CACNA2D3: variants seen among roughly 807,000 people sequenced by gnomAD.
CACNA2D3 encodes the protein voltage-dependent calcium channel subunit alpha-2/delta-3.
A neutral mutation model predicts 160.6 loss-of-function variants in CACNA2D3; 60 were observed. That is an observed-to-expected ratio of 0.37 (90% CI 0.30 to 0.46). CACNA2D3 has a LOEUF of 0.46. Ranked by LOEUF, CACNA2D3 falls within the 20% of genes least tolerant of loss-of-function variation. CACNA2D3 has a pLI of 1.00. For missense variants in CACNA2D3, 1,205 were observed against 1,365.0 expected (o/e 0.88, Z 1.85); for synonymous variants, 558 against 492.9 (o/e 1.13, Z -1.75).
chr3:54,706,311 C>T (rs1361883467), intron 11 of CACNA2D3, among the ~76,000 whole-genome samples: 1 of 152,174 alleles, frequency 6.6e-6, no homozygotes, highest in African/African-American at 2.4e-5. Context: ...GGGGCTTTAT[C>T]CCAACATTTT....
chr3:54,343,448 C>T (rs930366314), intron 3 of CACNA2D3, among the ~76,000 whole-genome samples: 2 of 152,108 alleles, frequency 1.3e-5, no homozygotes, highest in Admixed American at 6.5e-5. Context: ...TGTGCCCCCA[C>T]GCCCAGCTAA....
Position 54,877,620 on chromosome 3 carries a change from A to G in CACNA2D3, c.1711-1398A>G, listed in dbSNP as rs1021412985. On this transcript the variant is annotated intron_variant, in intron 18 of 37. Transcript: ENST00000474759. ...CCATCCTGCTTCACTAGTAGGTTCA[A>G]TAAGTATAACCTGTTTTTGTTATGA... Among the ~76,000 whole-genome samples the G allele has an allele frequency of 2.0e-5, 3 of 152,302 alleles. No individual in the cohort carries two copies. The South Asian group carries it at 6.2e-4, about 32-fold the overall frequency.
intron 5 of CACNA2D3, among the ~76,000 whole-genome samples, chr3:54,558,528 A>G (rs1169943124): frequency 6.6e-6 from 1 of 152,100 alleles, no homozygotes; most frequent in Non-Finnish European, 1.5e-5. Context: ...GGTAATAAGC[A>G]TAGTACCCAA....
intron 10 of CACNA2D3, among the ~76,000 whole-genome samples, chr3:54,636,365 G>A (rs559720518): frequency 6.6e-6 from 1 of 151,988 alleles, no homozygotes; most frequent in Non-Finnish European, 1.5e-5. Flanking sequence ...AATGTGGGAG[G>A]CCGGATTGAA....
chr3:54,594,838 G>T (rs192605099), intron 9 of CACNA2D3, among the ~76,000 whole-genome samples: 1 of 152,322 alleles, frequency 6.6e-6, no homozygotes, highest in African/African-American at 2.4e-5. Context: ...CAGCTGAGTT[G>T]ACAGAAGACT....
chr3:55,008,888 T>TAC (rs4024588), intron 33 of CACNA2D3, among the ~76,000 whole-genome samples: 35,668 of 142,808 alleles, frequency 0.25, 4,833 homozygotes, highest in East Asian at 0.61. Context: ...CCTCCCTCTA[T>TAC]ACACACACAC....
intron 27 of CACNA2D3, among the ~76,000 whole-genome samples, chr3:54,919,658 G>A (rs748626791): frequency 3.3e-5 from 5 of 152,220 alleles, no homozygotes; most frequent in Non-Finnish European, 5.9e-5. Context: ...CTAGCAGACT[G>A]AAGTCTAGTC....
intron 3 of CACNA2D3, among the ~76,000 whole-genome samples, chr3:54,347,416 AC>A (rs2107530154): frequency 6.6e-6 from 1 of 152,282 alleles, no homozygotes; most frequent in South Asian, 2.1e-4. Context: ...CATTTTGGAG[AC>A]CAGCTGAAGT....
chr3:54,801,044 T>G (rs1020899502), intron 13 of CACNA2D3, among the ~76,000 whole-genome samples: 1 of 151,442 alleles, frequency 6.6e-6, no homozygotes, highest in African/African-American at 2.4e-5. Context: ...TGGAGTGCAG[T>G]GGTATGATCT....
chr3:54,626,250 C>G, intron 9 of CACNA2D3: 2 of 1,178,574 alleles, frequency 1.7e-6, no homozygotes, highest in Non-Finnish European at 1.2e-6. Context: ...AGACCTTCCG[C>G]AGGTTCACCT....
Position 54,732,203 on chromosome 3 carries a change from A to G in CACNA2D3, c.1168-20396A>G, listed in dbSNP as rs549061883. 4.6e-5 allele frequency among the ~76,000 whole-genome samples: 7 copies of G among 152,366 alleles called. No individual in the cohort carries two copies. In the South Asian group the frequency reaches 1.0e-3, roughly 23 times the overall value. On this transcript the variant is annotated intron_variant, in intron 11 of 37. Transcript: ENST00000474759. The stretch of plus-strand genomic sequence containing the variant: ...TGATGACATCACTCTGTAATTTTAC[A>G]TGATTTGGACAGTGCGAAGCACACA...
At chr3:55,056,322 T>A (rs1359595644) in intron 35 of CACNA2D3, among the ~76,000 whole-genome samples, 1 of 152,178 alleles carries the variant, frequency 6.6e-6, no homozygotes, top group Non-Finnish European at 1.5e-5. Context: ...TTGAGAAGGA[T>A]GTGGAGAAAA....
At chr3:54,682,657 A>G (rs922225889) in intron 11 of CACNA2D3, among the ~76,000 whole-genome samples, 1 of 149,946 alleles carries the variant, frequency 6.7e-6, no homozygotes, top group Non-Finnish European at 1.5e-5. Flanking sequence ...AAGAATTACA[A>G]GTTCAAAAAG....
intron 8 of CACNA2D3, among the ~76,000 whole-genome samples, chr3:54,571,727 A>G (rs560071244): frequency 4.0e-5 from 6 of 151,820 alleles, no homozygotes; most frequent in Non-Finnish European, 7.4e-5. Flanking sequence ...AGTAGTTGCT[A>G]TGGACAATGG....
chr3:54,933,000 T>C (rs1701230653), intron 27 of CACNA2D3, among the ~76,000 whole-genome samples: 1 of 152,064 alleles, frequency 6.6e-6, no homozygotes, highest in Non-Finnish European at 1.5e-5. Flanking sequence ...GTACACAGTT[T>C]ATACAGAGCT....
intron 3 of CACNA2D3, among the ~76,000 whole-genome samples, chr3:54,374,021 G>A (rs1277959885): frequency 2.6e-5 from 4 of 152,174 alleles, no homozygotes; most frequent in Non-Finnish European, 5.9e-5. Context: ...ACCCAGTCGT[G>A]TTTGATGAGA....
intron 2 of CACNA2D3, among the ~76,000 whole-genome samples, chr3:54,146,190 A>G (rs2107274532): frequency 6.6e-6 from 1 of 152,208 alleles, no homozygotes; most frequent in Non-Finnish European, 1.5e-5. Flanking sequence ...CCCTAGCCCT[A>G]AGCCCTGTAT....
chr3:54,641,186 T>G (rs574198633), intron 10 of CACNA2D3, among the ~76,000 whole-genome samples: 2 of 152,318 alleles, frequency 1.3e-5, no homozygotes, highest in South Asian at 2.1e-4. Context: ...CTTGGTTTTA[T>G]ACATTTAAGG....
chr3:54,974,134 G>A (rs1200740683), intron 29 of CACNA2D3, among the ~76,000 whole-genome samples: 8 of 152,204 alleles, frequency 5.3e-5, no homozygotes, highest in Non-Finnish European at 1.2e-4. Context: ...CTCCTGCTAT[G>A]AACTATGTAA....
Sources: allele counts gnomAD v4.1 joint callset (sites outside exome capture counted in the v4.1 genomes callset), GRCh38; gene constraint gnomAD v4.1.1; transcripts MANE v1.5; gene names NCBI Gene and HGNC (gene_info 2026-07-23, HGNC 2026-07-21).